LRP11: variants seen among roughly 807,000 people sequenced by gnomAD.
The protein encoded by LRP11 is LDL receptor related protein 11.
Under a neutral mutation model 43.1 loss-of-function variants are expected in LRP11, and 25 were observed. That is an observed-to-expected ratio of 0.58 (90% CI 0.42 to 0.81). LRP11 has a LOEUF of 0.81. Among genes scored for constraint, LRP11 ranks in the 30% least tolerant of loss-of-function variants. LRP11 has a pLI of 0.00. For synonymous variants in LRP11, 316 were observed against 299.4 expected, an observed-to-expected ratio of 1.06 and a Z score of -0.57; for missense variants, 623 against 665.1, an observed-to-expected ratio of 0.94 and a Z score of 0.70.
At chr6:149,854,805 G>T (rs1562446260) in intron 1 of LRP11, among the ~76,000 whole-genome samples, 1 of 152,110 alleles carries the variant, frequency 6.6e-6, no homozygotes, top group Non-Finnish European at 1.5e-5. Context: ...TCCTCCACAG[G>T]GGCCAATGTT....
Position 149,820,251 on chromosome 6 carries a change from C to T in LRP11, c.*298G>A. ...GGTTAACACAGTCATCCTAATACCA[C>T]CTCCTGAGATGCTGAATTTTCTCTC... On this transcript the variant is annotated 3_prime_UTR_variant, in exon 7 of 7. Coordinates refer to ENST00000239367, the MANE Select transcript of LRP11 (RefSeq NM_032832.6). 1 of 247,498 alleles carries T rather than the reference C, an allele frequency of 4.0e-6. No homozygotes were observed. The highest frequency in any genetic ancestry group is 5.3e-5 in the South Asian group (1 of 18,704). 15.3% of individuals were successfully genotyped at this position (247,498 alleles called of 1,614,324 possible). A position where few individuals can be genotyped will look rare whatever the true frequency, so the allele number is the denominator to read the frequency against.
At chr6:149,839,649 GTTTA>G (rs1384044989) in intron 3 of LRP11, among the ~76,000 whole-genome samples, 11 of 152,222 alleles carry the variant, frequency 7.2e-5, no homozygotes, top group Non-Finnish European at 1.3e-4. Context: ...GGCATCTCCA[GTTTA>G]TTTATTTATC....
chr6:149,852,411 C>T (rs1776733261), intron 2 of LRP11: 1 of 152,186 alleles, frequency 6.6e-6, no homozygotes, highest in Non-Finnish European at 1.5e-5. Flanking sequence ...TCTCACCACC[C>T]AAGACTTCCT....
At chr6:149,843,435 G>A (rs1477964345) in intron 2 of LRP11, among the ~76,000 whole-genome samples, 1 of 152,104 alleles carries the variant, frequency 6.6e-6, no homozygotes, top group Non-Finnish European at 1.5e-5. Context: ...TCAGCAGGGG[G>A]ACTCATCAGC....
chr6:149,837,910 C>T (rs564385076), intron 3 of LRP11, among the ~76,000 whole-genome samples: 1 of 152,186 alleles, frequency 6.6e-6, no homozygotes, highest in Non-Finnish European at 1.5e-5. Context: ...AACAGAGATA[C>T]CATTTATTTA....
At chr6:149,844,026 G>A (rs1485476625) in intron 2 of LRP11, among the ~76,000 whole-genome samples, 1 of 152,160 alleles carries the variant, frequency 6.6e-6, no homozygotes, top group Non-Finnish European at 1.5e-5. Context: ...AGGCCAAGGC[G>A]GGCGGATGAT....
intron 6 of LRP11, among the ~76,000 whole-genome samples, chr6:149,823,584 TCCCAGGTATAGCTGG>T (rs939360526): frequency 3.3e-5 from 5 of 152,056 alleles, no homozygotes; most frequent in Non-Finnish European, 7.3e-5. Context: ...TTAAAACTGG[TCCCAGGTATAGCTGG>T]CCGCCTCTTG....
In LRP11 at chr6:149,827,517, A is replaced by G. The variant is rs1386943507; in HGVS notation, c.1253-1158T>C. Among the ~76,000 whole-genome samples, 2 of 152,204 alleles carry G rather than the reference A, an allele frequency of 1.3e-5. No homozygotes were observed. The highest frequency in any genetic ancestry group is 2.4e-5 in the African/African-American group (1 of 41,460). ...AATCCTGGCACTTTGGGGACAGTCT[A>G]CTGTGTCTTGTTACTCTAGAAAGTT... On this transcript the variant is annotated intron_variant, in intron 5 of 6. Transcript: ENST00000239367. This position sits in a 1 kb window ranked among gnomAD's most constrained non-coding sequence, Gnocchi z 4.2.
At chr6:149,859,394 A>ATTTTTTTTTTTTTTTTT (rs1194880373) in intron 1 of LRP11, among the ~76,000 whole-genome samples, 2 of 73,874 alleles carry the variant, frequency 2.7e-5, no homozygotes, top group African/African-American at 1.8e-4. Flanking sequence ...ATATATATAT[A>ATTTTTTTTTTTTTTTTT]TATTTTTTTT....
intron 5 of LRP11, among the ~76,000 whole-genome samples, chr6:149,832,807 TA>T (rs1363939490): frequency 2.0e-5 from 3 of 150,358 alleles, no homozygotes; most frequent in Non-Finnish European, 4.4e-5. Context: ...TTTTTATTTT[TA>T]TTTTTTTATT....
intron 2 of LRP11, among the ~76,000 whole-genome samples, chr6:149,849,682 A>G (rs961236022): frequency 1.3e-5 from 2 of 152,172 alleles, no homozygotes; most frequent in Non-Finnish European, 2.9e-5. Context: ...GCAGTGAGCT[A>G]TGATTGTGCC....
chr6:149,857,249 C>T lies in LRP11; in HGVS notation c.614-4089G>A, dbSNP rs564216399. Among the ~76,000 whole-genome samples, 15 of 152,214 alleles carry T rather than the reference C, an allele frequency of 9.9e-5. No individual in the cohort carries two copies. In the South Asian group the frequency reaches 1.2e-3, roughly 13 times the overall value. On this transcript the variant is annotated intron_variant, in intron 1 of 6. Coordinates refer to ENST00000239367, the MANE Select transcript of LRP11 (RefSeq NM_032832.6). ...TTACAGTCTGACTTTGAAACAGACG[C>T]GGCCGGGTGTGGTGATTCATGCTTG...
chr6:149,861,142 T>C (rs1021581884), intron 1 of LRP11, among the ~76,000 whole-genome samples: 7 of 152,158 alleles, frequency 4.6e-5, no homozygotes, highest in Admixed American at 1.3e-4. Flanking sequence ...CATTTTCACA[T>C]GCTCACAACC....
At chr6:149,825,419 A>G (rs1318916962) in intron 6 of LRP11, among the ~76,000 whole-genome samples, 1 of 152,118 alleles carries the variant, frequency 6.6e-6, no homozygotes, top group Admixed American at 6.5e-5. Flanking sequence ...GTATTCTAAG[A>G]CCTTTACTCT....
rs1426417749 is a variant in LRP11, at chr6:149,827,670, CAA to C, written c.1253-1313_1253-1312del. On this transcript the variant is annotated intron_variant, in intron 5 of 6. Coordinates refer to ENST00000239367, the MANE Select transcript of LRP11 (RefSeq NM_032832.6). The surrounding 1 kb of genome is among the most constrained non-coding windows in gnomAD (Gnocchi z 4.2). Reference sequence around the variant, plus strand: ...TAGGCTGCAGGATCAGATTTCCCTGCAAAAAGAGTTCTGTTACTGTCCAACTC... The same window carrying C: ...TAGGCTGCAGGATCAGATTTCCCTGCAAAGAGTTCTGTTACTGTCCAACTC... 3.3e-5 allele frequency among the ~76,000 whole-genome samples: 5 copies of C among 152,156 alleles called. No homozygotes were observed. The highest frequency in any genetic ancestry group is 7.2e-5 in the African/African-American group (3 of 41,430).
intron 3 of LRP11, chr6:149,842,540 C>A: frequency 9.5e-7 from 1 of 1,055,906 alleles, no homozygotes; most frequent in South Asian, 1.4e-5. Flanking sequence ...CTTTGACCAG[C>A]GTCTCTCCTT....
intron 1 of LRP11, among the ~76,000 whole-genome samples, chr6:149,858,266 CA>C (rs1311756923): frequency 2.0e-5 from 3 of 152,154 alleles, no homozygotes; most frequent in Non-Finnish European, 2.9e-5. Context: ...TCTCATTGTT[CA>C]ACTCCCACTT....
intron 6 of LRP11, 73 bp from the exon 7 acceptor site, chr6:149,820,776 T>A (rs1398586712): frequency 8.2e-6 from 6 of 729,302 alleles, no homozygotes; most frequent in Non-Finnish European, 1.5e-5. Flanking sequence ...CACTATATGA[T>A]ACGCGCTTTG....
chr6:149,837,260 C>T, intron 4 of LRP11, 78 bp downstream of exon 4: 1 of 1,475,920 alleles, frequency 6.8e-7, no homozygotes, highest in Non-Finnish European at 9.2e-7. Flanking sequence ...ACTGTGTTTG[C>T]ATTTCATTCT....
Sources: allele counts gnomAD v4.1 joint callset (sites outside exome capture counted in the v4.1 genomes callset), GRCh38; gene constraint gnomAD v4.1.1; non-coding constraint Gnocchi (gnomAD v3.1); transcripts MANE v1.5; gene names NCBI Gene and HGNC (gene_info 2026-07-23, HGNC 2026-07-21).